The following PTPRD variants were observed in gnomAD, a reference collection of about 807,000 sequenced individuals.
PTPRD encodes the protein protein tyrosine phosphatase receptor type D.
A neutral mutation model predicts 214.5 loss-of-function variants in PTPRD; 34 were observed. The observed-to-expected ratio is 0.16, with a 90% CI of 0.12 to 0.21. The LOEUF (loss-of-function observed/expected upper bound fraction) is 0.21, where lower values mean the gene tolerates loss of function less well. Ranked by LOEUF, PTPRD falls within the 10% of genes least tolerant of loss-of-function variation. The pLI is 1.00. For synonymous variants in PTPRD, 1,128 were observed against 845.7 expected, an observed-to-expected ratio of 1.33 and a Z score of -5.79; for missense variants, 2,545 against 2,398.7, an observed-to-expected ratio of 1.06 and a Z score of -1.27.
intron 14 of PTPRD, among the ~76,000 whole-genome samples, chr9:8,597,328 C>T (rs1191839545): frequency 6.6e-6 from 1 of 152,042 alleles, no homozygotes; most frequent in African/African-American, 2.4e-5. Context: ...CTGCCTATCC[C>T]TGTTTTTATA....
chr9:9,227,998 A>G (rs1415105335), intron 9 of PTPRD, among the ~76,000 whole-genome samples: 2 of 152,086 alleles, frequency 1.3e-5, no homozygotes, highest in African/African-American at 4.8e-5. Flanking sequence ...CTATTTTTCC[A>G]AGCATTTCTG....
At chr9:9,825,469 G>C (rs957880138) in intron 5 of PTPRD, among the ~76,000 whole-genome samples, 5 of 151,592 alleles carry the variant, frequency 3.3e-5, no homozygotes, top group South Asian at 2.1e-4. Context: ...GAAAGAAAGA[G>C]ACCGAGAGAC....
intron 9 of PTPRD, among the ~76,000 whole-genome samples, chr9:9,246,106 TG>T (rs1280101362): frequency 6.6e-6 from 1 of 152,032 alleles, no homozygotes; most frequent in Non-Finnish European, 1.5e-5. Context: ...TTGGTAGGAA[TG>T]GGGGTGACTT....
chr9:9,591,499 T>C (rs1293828643), intron 7 of PTPRD, among the ~76,000 whole-genome samples: 1 of 152,054 alleles, frequency 6.6e-6, no homozygotes, highest in African/African-American at 2.4e-5. Flanking sequence ...TGAGCTGCAC[T>C]GCATCTGGAA....
intron 10 of PTPRD, among the ~76,000 whole-genome samples, chr9:9,024,207 C>A (rs982980669): frequency 6.6e-6 from 1 of 151,634 alleles, no homozygotes; most frequent in East Asian, 1.9e-4. Context: ...CTTACTCTTC[C>A]ATGAGTATTT....
chr9:9,851,927 A>G (rs1472326931), intron 5 of PTPRD, among the ~76,000 whole-genome samples: 1 of 152,218 alleles, frequency 6.6e-6, no homozygotes, highest in Non-Finnish European at 1.5e-5. Context: ...AAAGTCTATG[A>G]GCTATTTATA....
Position 10,546,674 on chromosome 9 carries a change from T to A in PTPRD, c.-600+65724A>T, listed in dbSNP as rs2060241849. ...GGATCCATTTTTATTGAATGTTGCA[T>A]CCTTATCAATGAAGCATAATAGATA... On this transcript the variant is annotated intron_variant, in intron 2 of 45. Transcript: ENST00000381196. Among the ~76,000 whole-genome samples the A allele has an allele frequency of 2.0e-5, 3 of 152,032 alleles. No individual in the cohort carries two copies. The South Asian group carries it at 6.2e-4, about 32-fold the overall frequency.
At chr9:9,188,385 A>T (rs1249900853) in intron 9 of PTPRD, among the ~76,000 whole-genome samples, 1 of 152,094 alleles carries the variant, frequency 6.6e-6, no homozygotes, top group Non-Finnish European at 1.5e-5. Context: ...TGAGGAGTGG[A>T]ATTGCTGGAT....
chr9:10,601,738 C>T (rs1387563875), intron 2 of PTPRD, among the ~76,000 whole-genome samples: 5 of 151,618 alleles, frequency 3.3e-5, no homozygotes, highest in African/African-American at 7.3e-5. Context: ...AGCTTTTCAG[C>T]GACAGAAGGC....
At chr9:10,605,109 T>A (rs2078960252) in intron 2 of PTPRD, among the ~76,000 whole-genome samples, 1 of 151,808 alleles carries the variant, frequency 6.6e-6, no homozygotes, top group African/African-American at 2.4e-5. Context: ...ACATTTAAAT[T>A]GCACTTTTGC....
intron 10 of PTPRD, among the ~76,000 whole-genome samples, chr9:9,171,163 G>A (rs77196852): frequency 6.6e-6 from 1 of 152,234 alleles, no homozygotes; most frequent in Non-Finnish European, 1.5e-5. Context: ...TAAAAGGGTT[G>A]AGTGTGCTTA....
Position 10,047,337 on chromosome 9 carries a change from T to TGTGTGTGTGTGTGTGC in PTPRD, c.-544-13548_-544-13547insGCACACACACACACAC, listed in dbSNP as rs1491445418. Among the ~76,000 whole-genome samples, 350 of 144,208 alleles carry TGTGTGTGTGTGTGTGC rather than the reference T, an allele frequency of 2.4e-3. 6 individuals are homozygous for TGTGTGTGTGTGTGTGC. The East Asian group carries it at 0.04, about 17-fold the overall frequency. The allele number at this position is 144,208 out of a possible 152,430, so 94.6% of individuals were successfully genotyped here. ...CTGTGTGTGTGTGTGTGTGTGTGTGTGCGTGTGTGTGTGTGCTTGTGTGAT... is the reference window on the plus strand; with the variant it reads ...CTGTGTGTGTGTGTGTGTGTGTGTGTGTGTGTGTGTGTGTGCGCGTGTGTGTGTGTGCTTGTGTGAT... On this transcript the variant is annotated intron_variant, in intron 3 of 45. Transcript: ENST00000381196.
intron 3 of PTPRD, among the ~76,000 whole-genome samples, chr9:10,340,537 A>T (rs2096919455): frequency 6.6e-6 from 1 of 151,920 alleles, no homozygotes; most frequent in African/African-American, 2.4e-5. Flanking sequence ...AGAAATATTC[A>T]GAATTAAAAA....
chr9:8,931,826 C>T (rs1010993951), intron 11 of PTPRD, among the ~76,000 whole-genome samples: 17 of 152,118 alleles, frequency 1.1e-4, no homozygotes, highest in Middle Eastern at 3.4e-3. Flanking sequence ...CTATTGACTA[C>T]TGCCTCAATT....
intron 4 of PTPRD, among the ~76,000 whole-genome samples, chr9:10,007,134 G>C (rs1416910505): frequency 6.6e-6 from 1 of 151,864 alleles, no homozygotes; most frequent in African/African-American, 2.4e-5. Flanking sequence ...ACTTATTTAA[G>C]GACATAAGTC....
chr9:9,540,778 A>G (rs1223540938), intron 8 of PTPRD, among the ~76,000 whole-genome samples: 2 of 151,812 alleles, frequency 1.3e-5, no homozygotes, highest in Non-Finnish European at 2.9e-5. Context: ...AAATGAAATC[A>G]TCTACTTAAA....
At chr9:9,305,033 C>G (rs954217579) in intron 9 of PTPRD, among the ~76,000 whole-genome samples, 9 of 149,616 alleles carry the variant, frequency 6.0e-5, no homozygotes, top group African/African-American at 2.0e-4. Flanking sequence ...GTCAATACTT[C>G]ACGCCCACCT....
chr9:9,635,405 T>G (rs181063674), intron 7 of PTPRD, among the ~76,000 whole-genome samples: 37 of 152,298 alleles, frequency 2.4e-4, no homozygotes, highest in African/African-American at 8.7e-4. Context: ...CTCCCGAACT[T>G]TATTGTAAGG....
chr9:9,659,699 G>A lies in PTPRD; in HGVS notation c.-287+74834C>T, dbSNP rs2096586738. ...TAGTACAATAAAAAGTCACTAAAAG[G>A]GAAAATTATTACTACCAGTCATTGC... On this transcript the variant is annotated intron_variant, in intron 7 of 45. Coordinates refer to ENST00000381196, the MANE Select transcript of PTPRD (RefSeq NM_002839.4). Among the ~76,000 whole-genome samples the A allele has an allele frequency of 2.0e-5, 3 of 152,032 alleles. No individual in the cohort carries two copies. In the South Asian group the frequency reaches 6.2e-4, roughly 32 times the overall value.
Sources: gnomAD v4.1 joint callset for allele counts (sites outside exome capture counted in the v4.1 genomes callset) on GRCh38, gnomAD v4.1.1 for gene constraint, MANE v1.5 for transcripts, NCBI Gene and HGNC (gene_info 2026-07-23, HGNC 2026-07-21) for gene names.